PSEN1: variants seen among roughly 807,000 people sequenced by gnomAD.
PSEN1 encodes presenilin 1, also known as presenilin-1.
A neutral mutation model predicts 53.5 loss-of-function variants in PSEN1; 15 were observed. The observed-to-expected ratio is 0.28, with a 90% CI of 0.19 to 0.43. PSEN1 has a LOEUF of 0.43. Among genes scored for constraint, PSEN1 ranks in the 20% least tolerant of loss-of-function variants. The probability of loss-of-function intolerance (pLI) is 1.00; values close to 1 mark genes in which losing one functional copy is unlikely to be tolerated. For missense variants in PSEN1, 387 were observed against 571.2 expected, an observed-to-expected ratio of 0.68 and a Z score of 3.29; for synonymous variants, 208 against 209.8, an observed-to-expected ratio of 0.99 and a Z score of 0.08.
Position 73,219,565 on chromosome 14 carries a change from T to G in PSEN1, c.*276T>G. The G allele has an allele frequency of 6.7e-6, 3 of 445,664 alleles. No individual in the cohort carries two copies. The highest frequency in any genetic ancestry group is 6.3e-5 in the South Asian group (3 of 47,506). 27.6% of individuals were successfully genotyped at this position (445,664 alleles called of 1,614,324 possible). On this transcript the variant is annotated 3_prime_UTR_variant, in exon 12 of 12. Coordinates refer to ENST00000324501, the MANE Select transcript of PSEN1 (RefSeq NM_000021.4). ...GAGGGACGAGGTCAAGGAGATATGATAGGCCCGGAAGTTGCTGTGCCCCAT... is the reference window on the plus strand; with the variant it reads ...GAGGGACGAGGTCAAGGAGATATGAGAGGCCCGGAAGTTGCTGTGCCCCAT...
intron 3 of PSEN1, among the ~76,000 whole-genome samples, chr14:73,151,255 C>T (rs745727034): frequency 9.2e-5 from 14 of 152,182 alleles, no homozygotes; most frequent in Admixed American, 4.6e-4. Context: ...ATTCTGTTTA[C>T]AAACATTTGG....
intron 5 of PSEN1, among the ~76,000 whole-genome samples, chr14:73,182,757 T>C (rs1272595349): frequency 6.6e-6 from 1 of 152,006 alleles, no homozygotes. Context: ...GAGAATTGCT[T>C]GAATCTGGGA....
intron 1 of PSEN1, among the ~76,000 whole-genome samples, chr14:73,140,258 T>G (rs1167688900): frequency 7.4e-6 from 1 of 135,568 alleles, no homozygotes; most frequent in Non-Finnish European, 1.5e-5. Flanking sequence ...TCGCCCAGGC[T>G]GGAGTGCAGT....
intron 6 of PSEN1, among the ~76,000 whole-genome samples, chr14:73,188,830 C>T (rs893903760): frequency 2.0e-5 from 3 of 152,126 alleles, no homozygotes; most frequent in African/African-American, 7.2e-5. Flanking sequence ...ACTCTGTCAT[C>T]CAGGCTGGAG....
At position 73,177,717 on chromosome 14, in the gene PSEN1, G is replaced by C. The variant is rs374053908; in HGVS notation, c.480+4010G>C. ...CTTCTGCTTTCTTTCAGCCTCCATG[G>C]TTTCTCATAAAAATCAGTCATTCGA... is the stretch of plus-strand genomic sequence containing the variant. On this transcript the variant is annotated intron_variant, in intron 5 of 11. Transcript: ENST00000324501. 7.9e-5 allele frequency among the ~76,000 whole-genome samples: 12 copies of C among 152,122 alleles called. No homozygotes were observed. In the East Asian group the frequency reaches 2.1e-3, roughly 27 times the overall value.
chr14:73,181,578 G>C (rs1898215070), intron 5 of PSEN1, among the ~76,000 whole-genome samples: 1 of 152,146 alleles, frequency 6.6e-6, no homozygotes, highest in Non-Finnish European at 1.5e-5. Flanking sequence ...GGGAAACATA[G>C]TGAGACCCCA....
rs1274081981 is a variant in PSEN1, at chr14:73,221,160, A to C, written c.*1871A>C. On this transcript the variant is annotated 3_prime_UTR_variant, in exon 12 of 12. Transcript: ENST00000324501. ...ATTGGCTTATATTAGGCAGTCACAG[A>C]CAGGAAAAATAAGAGCTATGCAAAG... 1.3e-5 allele frequency: 2 copies of C among 151,558 alleles called. No individual in the cohort carries two copies. The highest frequency in any genetic ancestry group is 3.0e-5 in the Non-Finnish European group (2 of 67,556). The allele number at this position is 151,558 out of a possible 1,614,324, so 9.4% of individuals were successfully genotyped here.
At chr14:73,166,080 A>T in intron 3 of PSEN1, among the ~76,000 whole-genome samples, 1 of 151,912 alleles carries the variant, frequency 6.6e-6, no homozygotes. Flanking sequence ...TAAAATAAAA[A>T]TAAAAGTAGT....
At chr14:73,151,189 A>G (rs1374578380) in intron 3 of PSEN1, among the ~76,000 whole-genome samples, 1 of 152,244 alleles carries the variant, frequency 6.6e-6, no homozygotes, top group Non-Finnish European at 1.5e-5. Flanking sequence ...GCATTCATGT[A>G]TATGTAGATG....
chr14:73,182,081 GA>G (rs1898233987), intron 5 of PSEN1, among the ~76,000 whole-genome samples: 1 of 152,162 alleles, frequency 6.6e-6, no homozygotes, highest in African/African-American at 2.4e-5. Flanking sequence ...GCCTGAAAGG[GA>G]AATGTTGGTA....
intron 10 of PSEN1, among the ~76,000 whole-genome samples, chr14:73,212,197 A>T (rs1457485266): frequency 2.4e-5 from 3 of 127,262 alleles, no homozygotes; most frequent in Non-Finnish European, 4.7e-5. Flanking sequence ...TGCAAGCTCC[A>T]CCTCCCGGGT....
At chr14:73,217,745 G>C (rs1202694881) in intron 11 of PSEN1, among the ~76,000 whole-genome samples, 1 of 151,602 alleles carries the variant, frequency 6.6e-6, no homozygotes, top group East Asian at 1.9e-4. Context: ...ACCCCACATA[G>C]ATCTTGCTGA....
intron 5 of PSEN1, among the ~76,000 whole-genome samples, chr14:73,184,302 T>C (rs1397429774): frequency 3.6e-4 from 25 of 70,280 alleles, no homozygotes; most frequent in African/African-American, 8.8e-4. Context: ...GGCGGGGGGC[T>C]GACCCCCCCA....
At chr14:73,152,132 C>T (rs1283702146) in intron 3 of PSEN1, among the ~76,000 whole-genome samples, 2 of 146,560 alleles carry the variant, frequency 1.4e-5, no homozygotes, top group Admixed American at 6.9e-5. Flanking sequence ...AGGATGGTCT[C>T]GGATCTCCTG....
chr14:73,158,344 C>T (rs879389078), intron 3 of PSEN1, among the ~76,000 whole-genome samples: 12 of 140,084 alleles, frequency 8.6e-5, no homozygotes, highest in South Asian at 2.3e-4. Context: ...ATTTTTAAGA[C>T]GGAGTTTTGC....
intron 7 of PSEN1, among the ~76,000 whole-genome samples, chr14:73,193,546 T>A (rs1595035981): frequency 1.2e-5 from 1 of 83,062 alleles, no homozygotes; most frequent in African/African-American, 5.1e-5. Flanking sequence ...CGAGACTCTG[T>A]CTCAAAAAAA....
chr14:73,207,064 T>C (rs1899483068), intron 9 of PSEN1, among the ~76,000 whole-genome samples: 1 of 152,274 alleles, frequency 6.6e-6, no homozygotes, highest in South Asian at 2.1e-4. Flanking sequence ...TGTGTGCCTG[T>C]AGTCCCAGCT....
intron 5 of PSEN1, among the ~76,000 whole-genome samples, chr14:73,180,703 T>C (rs530112898): frequency 2.5e-4 from 38 of 152,392 alleles, no homozygotes; most frequent in African/African-American, 8.9e-4. Flanking sequence ...TGTTGTGTAC[T>C]ATAAAACAGC....
rs1457248282 is a variant in PSEN1, at chr14:73,196,260, T to C, written c.770-1771T>C. Among the ~76,000 whole-genome samples the C allele has an allele frequency of 2.0e-5, 3 of 151,962 alleles. 1 individual carries two copies. The highest frequency in any genetic ancestry group is 4.4e-5 in the Non-Finnish European group (3 of 67,964). On this transcript the variant is annotated intron_variant, in intron 7 of 11. Coordinates refer to ENST00000324501, the MANE Select transcript of PSEN1 (RefSeq NM_000021.4). The stretch of plus-strand genomic sequence containing the variant: ...ATCATAAAACTGAAATAGTACTGAA[T>C]GTGGCAGAATCAAACAAGTTGAAAA...
Sources: gnomAD v4.1 joint callset for allele counts (sites outside exome capture counted in the v4.1 genomes callset) on GRCh38, gnomAD v4.1.1 for gene constraint, MANE v1.5 for transcripts, NCBI Gene and HGNC (gene_info 2026-07-23, HGNC 2026-07-21) for gene names.